Variants in KRABD2 observed in about 807,000 individuals in gnomAD.
KRABD2 encodes the protein KRAB domain-containing protein 2.
chr17:8,364,772 G>A, the KRABD2 span, among the ~76,000 whole-genome samples: 1 of 152,044 alleles, frequency 6.6e-6, no homozygotes. The surrounding 1 kb of genome is among the most constrained non-coding windows in gnomAD (Gnocchi z 4.4). Context: ...CATGGCTCAC[G>A]TCTGTAATCT....
At chr17:8,370,081 G>A in the KRABD2 span, 3 of 1,614,006 alleles carry the variant, frequency 1.9e-6, no homozygotes, top group Non-Finnish European at 2.5e-6. Context: ...CGTTCTCCAT[G>A]AGTAGCCTCT....
chr17:8,368,397 A>C, the KRABD2 span, among the ~76,000 whole-genome samples: 1 of 152,128 alleles, frequency 6.6e-6, no homozygotes, highest in East Asian at 1.9e-4. Flanking sequence ...GCCATAAAAA[A>C]TTATGGCCTT....
chr17:8,371,319 C>T, the KRABD2 span: 41 of 1,606,904 alleles, frequency 2.6e-5, no homozygotes, highest in East Asian at 1.3e-4. Flanking sequence ...CCTGTGGGAC[C>T]GTGTTCTCAT....
At chr17:8,368,292 A>G in the KRABD2 span, among the ~76,000 whole-genome samples, 3 of 152,180 alleles carry the variant, frequency 2.0e-5, no homozygotes, top group Admixed American at 1.3e-4. Flanking sequence ...GAAAGAATAC[A>G]CACAGGTATT....
the KRABD2 span, among the ~76,000 whole-genome samples, chr17:8,370,710 G>C: frequency 6.6e-6 from 1 of 150,632 alleles, no homozygotes; most frequent in African/African-American, 2.4e-5. Flanking sequence ...ATAGGAGAGA[G>C]GATAAACAGA....
chr17:8,375,244 C>T, the KRABD2 span, among the ~76,000 whole-genome samples: 4 of 152,120 alleles, frequency 2.6e-5, no homozygotes, highest in Admixed American at 1.3e-4. Flanking sequence ...ATCTCCTGAC[C>T]TCGTGATCCA....
the KRABD2 span, chr17:8,370,514 T>G: frequency 1.5e-6 from 1 of 664,986 alleles, no homozygotes; most frequent in Non-Finnish European, 2.4e-6. Flanking sequence ...AGAATGATAA[T>G]AGAATAATAG....
chr17:8,366,381 C>A, the KRABD2 span, among the ~76,000 whole-genome samples: 3 of 152,160 alleles, frequency 2.0e-5, no homozygotes, highest in African/African-American at 7.2e-5. Flanking sequence ...GCAGTGATCT[C>A]AGGCCAACTC....
chr17:8,361,489 T>C, the KRABD2 span, among the ~76,000 whole-genome samples: 2 of 152,236 alleles, frequency 1.3e-5, no homozygotes, highest in Admixed American at 6.5e-5. Flanking sequence ...CTAGACCTGA[T>C]GCCTTAATTC....
the KRABD2 span, among the ~76,000 whole-genome samples, chr17:8,370,790 G>A: frequency 6.6e-6 from 1 of 152,210 alleles, no homozygotes; most frequent in Non-Finnish European, 1.5e-5. Flanking sequence ...GGAGAACGTT[G>A]CTAAAAGGTA....
At chr17:8,363,779 ATG>A in the KRABD2 span, among the ~76,000 whole-genome samples, 2 of 146,650 alleles carry the variant, frequency 1.4e-5, no homozygotes, top group Non-Finnish European at 1.5e-5. Context: ...ATACATATAT[ATG>A]TCATACATAT....
chr17:8,362,358 C>G, the KRABD2 span, among the ~76,000 whole-genome samples: 1 of 151,896 alleles, frequency 6.6e-6, no homozygotes, highest in African/African-American at 2.4e-5. The surrounding 1 kb of genome is among the most constrained non-coding windows in gnomAD (Gnocchi z 4.2). Context: ...GAATTTAAAG[C>G]TCAATACTAA....
At chr17:8,375,940 C>T in the KRABD2 span, 2 of 1,230,252 alleles carry the variant, frequency 1.6e-6, no homozygotes, top group Non-Finnish European at 2.0e-6. Context: ...TCGGAATGTC[C>T]TCGCATTGAT....
the KRABD2 span, among the ~76,000 whole-genome samples, chr17:8,373,981 G>A: frequency 6.6e-6 from 1 of 151,682 alleles, no homozygotes; most frequent in Non-Finnish European, 1.5e-5. Context: ...CCCTGCAGCC[G>A]CCCCATCCAG....
At chr17:8,374,451 C>T in the KRABD2 span, among the ~76,000 whole-genome samples, 3 of 151,916 alleles carry the variant, frequency 2.0e-5, no homozygotes, top group Non-Finnish European at 1.5e-5. Context: ...GTCATCACCA[C>T]TCCCTAATCT....
At chr17:8,361,719 A>C in the KRABD2 span, among the ~76,000 whole-genome samples, 1 of 152,010 alleles carries the variant, frequency 6.6e-6, no homozygotes, top group Admixed American at 6.6e-5. Flanking sequence ...ACCAAACCTA[A>C]TACCATGCCT....
At chr17:8,361,422 C>A in the KRABD2 span, among the ~76,000 whole-genome samples, 5 of 152,132 alleles carry the variant, frequency 3.3e-5, no homozygotes. Context: ...TAGCCGATGG[C>A]CTGAGTTTCT....
the KRABD2 span, chr17:8,369,819 A>C: frequency 2.5e-6 from 4 of 1,614,236 alleles, no homozygotes; most frequent in Non-Finnish European, 3.4e-6. Context: ...AAGTATTTCA[A>C]CTTGGCATGT....
At chr17:8,374,032 G>C in the KRABD2 span, among the ~76,000 whole-genome samples, 1 of 150,352 alleles carries the variant, frequency 6.7e-6, no homozygotes, top group Non-Finnish European at 1.5e-5. Context: ...CGCCCCGTCC[G>C]GGAGGGAGGT....
Sources: allele counts gnomAD v4.1 joint callset (sites outside exome capture counted in the v4.1 genomes callset), GRCh38; gene constraint gnomAD v4.1.1; non-coding constraint Gnocchi (gnomAD v3.1); transcripts MANE v1.5; gene names NCBI Gene and HGNC (gene_info 2026-07-23, HGNC 2026-07-21).